SPMIP6: variants seen among roughly 807,000 people sequenced by gnomAD.
SPMIP6 encodes the protein ciliated bronchial epithelial protein 1.
chr9:34,379,743 A>C, the SPMIP6 span: 1 of 1,610,708 alleles, frequency 6.2e-7, no homozygotes, highest in Non-Finnish European at 8.5e-7. The surrounding 1 kb of genome is among the most constrained non-coding windows in gnomAD (Gnocchi z 4.2). Context: ...CTGGAGAAGG[A>C]GGAAGCCGCG....
chr9:34,381,125 TCGCGCTCTGCTCC>T, the SPMIP6 span: 4 of 1,587,986 alleles, frequency 2.5e-6, no homozygotes, highest in Non-Finnish European at 3.4e-6. This position sits in a 1 kb window ranked among gnomAD's most constrained non-coding sequence, Gnocchi z 4.4. Context: ...CACCATCACT[TCGCGCTCTGCTCC>T]CGCGGGTCCC....
chr9:34,390,866 C>A, the SPMIP6 span, among the ~76,000 whole-genome samples: 3 of 152,152 alleles, frequency 2.0e-5, no homozygotes, highest in Non-Finnish European at 4.4e-5. Flanking sequence ...AAGCAATCCT[C>A]CTGCCTCAGA....
the SPMIP6 span, chr9:34,385,899 C>T: frequency 1.1e-6 from 1 of 947,792 alleles, no homozygotes; most frequent in East Asian, 2.5e-5. Flanking sequence ...CTCCCAACCC[C>T]CCTCCCCATG....
chr9:34,381,560 C>A, the SPMIP6 span: 1 of 1,532,708 alleles, frequency 6.5e-7, no homozygotes, highest in South Asian at 1.2e-5. The surrounding 1 kb of genome is among the most constrained non-coding windows in gnomAD (Gnocchi z 4.4). Context: ...CGCCCTTCAG[C>A]AGCTCCCCAC....
the SPMIP6 span, among the ~76,000 whole-genome samples, chr9:34,382,358 T>C: frequency 6.6e-6 from 1 of 152,112 alleles, no homozygotes; most frequent in Non-Finnish European, 1.5e-5. Context: ...CCGAGGCAGG[T>C]GGATCACTTG....
At chr9:34,382,916 A>G in the SPMIP6 span, 18 of 1,216,054 alleles carry the variant, frequency 1.5e-5, no homozygotes, top group African/African-American at 3.0e-5. Context: ...TTCTTACTCT[A>G]CTCCAGGATC....
the SPMIP6 span, among the ~76,000 whole-genome samples, chr9:34,392,477 T>TGTGTGTG: frequency 1.0e-5 from 1 of 96,528 alleles, no homozygotes; most frequent in Non-Finnish European, 2.3e-5. The surrounding 1 kb of genome is among the most constrained non-coding windows in gnomAD (Gnocchi z 4.6). Flanking sequence ...GTGTGTGTGT[T>TGTGTGTG]TAATCTGAAA....
At chr9:34,397,374 G>A in the SPMIP6 span, 3 of 1,063,470 alleles carry the variant, frequency 2.8e-6, no homozygotes, top group Non-Finnish European at 4.3e-6. Flanking sequence ...TGTAAATTCT[G>A]TGCCTAGGTA....
At chr9:34,379,596 C>A in the SPMIP6 span, 1 of 1,540,680 alleles carries the variant, frequency 6.5e-7, no homozygotes, top group Non-Finnish European at 9.0e-7. This position sits in a 1 kb window ranked among gnomAD's most constrained non-coding sequence, Gnocchi z 4.2. Flanking sequence ...CCCCGCCTCA[C>A]CAAGCCTTCA....
chr9:34,386,556 TC>T, the SPMIP6 span, among the ~76,000 whole-genome samples: 19 of 146,082 alleles, frequency 1.3e-4, no homozygotes, highest in African/African-American at 4.6e-4. Context: ...GCCACTGCAC[TC>T]CAGTCTGGCG....
the SPMIP6 span, among the ~76,000 whole-genome samples, chr9:34,384,639 T>A: frequency 6.6e-6 from 1 of 152,160 alleles, no homozygotes; most frequent in Non-Finnish European, 1.5e-5. Flanking sequence ...CCAACTTCCA[T>A]TGGGAATTCT....
At chr9:34,379,221 T>A in the SPMIP6 span, 1 of 1,204,250 alleles carries the variant, frequency 8.3e-7, no homozygotes, top group South Asian at 1.2e-5. The surrounding 1 kb of genome is among the most constrained non-coding windows in gnomAD (Gnocchi z 4.2). Flanking sequence ...GATCCTCATA[T>A]GTCAAAGTGA....
chr9:34,392,057 G>A, the SPMIP6 span, among the ~76,000 whole-genome samples: 2 of 152,006 alleles, frequency 1.3e-5, no homozygotes, highest in East Asian at 3.8e-4. The surrounding 1 kb of genome is among the most constrained non-coding windows in gnomAD (Gnocchi z 4.6). Context: ...TGCTCAGGCT[G>A]GCATGGTTTG....
the SPMIP6 span, among the ~76,000 whole-genome samples, chr9:34,394,218 T>C: frequency 0.56 from 85,924 of 152,078 alleles, 24,642 homozygotes; most frequent in Non-Finnish European, 0.61. Flanking sequence ...TGCGGTGGCA[T>C]GATCTTGGCT....
the SPMIP6 span, chr9:34,380,764 C>G: frequency 5.8e-6 from 9 of 1,546,518 alleles, no homozygotes; most frequent in Middle Eastern, 1.7e-4. Context: ...GGCAGGGCCT[C>G]GAGAGCGTGC....
chr9:34,389,656 C>T, the SPMIP6 span, among the ~76,000 whole-genome samples: 6 of 152,118 alleles, frequency 3.9e-5, no homozygotes, highest in African/African-American at 7.2e-5. Flanking sequence ...CTGAGAACCA[C>T]GCCCGGTGGC....
the SPMIP6 span, chr9:34,382,961 G>T: frequency 1.1e-6 from 1 of 903,322 alleles, no homozygotes. Flanking sequence ...CCGATTCCCA[G>T]CACAAAGCTG....
chr9:34,381,747 G>A, the SPMIP6 span: 1 of 1,298,910 alleles, frequency 7.7e-7, no homozygotes, highest in East Asian at 3.0e-5. This position sits in a 1 kb window ranked among gnomAD's most constrained non-coding sequence, Gnocchi z 4.4. Context: ...ACTCTGTTTA[G>A]CTGTGTCTGG....
chr9:34,385,597 T>TG, the SPMIP6 span: 1 of 1,563,964 alleles, frequency 6.4e-7, no homozygotes. Context: ...GGGTTCAGGT[T>TG]GGGGGTCATT....
Sources: allele counts gnomAD v4.1 joint callset (sites outside exome capture counted in the v4.1 genomes callset), GRCh38; gene constraint gnomAD v4.1.1; non-coding constraint Gnocchi (gnomAD v3.1); transcripts MANE v1.5; gene names NCBI Gene and HGNC (gene_info 2026-07-23, HGNC 2026-07-21).